Variants in GRAMD1B observed in about 807,000 individuals in gnomAD.
The protein encoded by GRAMD1B is GRAM domain containing 1B.
A neutral mutation model predicts 99.7 loss-of-function variants in GRAMD1B; 37 were observed. The observed-to-expected ratio is 0.37, with a 90% CI of 0.29 to 0.49. The LOEUF (loss-of-function observed/expected upper bound fraction) is 0.49, where lower values mean the gene tolerates loss of function less well. Among genes scored for constraint, GRAMD1B ranks in the 20% least tolerant of loss-of-function variants. GRAMD1B has a pLI of 0.98. For missense variants in GRAMD1B, 888 were observed against 1,009.2 expected (o/e 0.88, Z 1.63); for synonymous variants, 427 against 387.6 (o/e 1.10, Z -1.19).
At chr11:123,440,919 AG>A (rs1291837074) in intron 1 of GRAMD1B, among the ~76,000 whole-genome samples, 2 of 152,292 alleles carry the variant, frequency 1.3e-5, no homozygotes, top group Admixed American at 1.3e-4. Context: ...TTCTCAGGAT[AG>A]TGAATAAGTC....
chr11:123,382,924 C>T (rs952937487), intron 1 of GRAMD1B, among the ~76,000 whole-genome samples: 1 of 152,150 alleles, frequency 6.6e-6, no homozygotes, highest in Non-Finnish European at 1.5e-5. Flanking sequence ...TCTTGCCCTC[C>T]TGTATCCAGC....
chr11:123,362,673 A>G (rs1207878627), intron 1 of GRAMD1B, among the ~76,000 whole-genome samples: 1 of 152,218 alleles, frequency 6.6e-6, no homozygotes, highest in African/African-American at 2.4e-5. Context: ...TAAAAAGGCC[A>G]TCTTTGCAGC....
At chr11:123,540,132 C>T (rs1944363566) in intron 2 of GRAMD1B, among the ~76,000 whole-genome samples, 1 of 151,658 alleles carries the variant, frequency 6.6e-6, no homozygotes. Context: ...GTGGCATGAC[C>T]ACAGCTCACT....
intron 1 of GRAMD1B, among the ~76,000 whole-genome samples, chr11:123,414,586 C>T (rs1948164676): frequency 6.6e-6 from 1 of 152,126 alleles, no homozygotes; most frequent in African/African-American, 2.4e-5. Flanking sequence ...TACCCTATGT[C>T]ATCCCTATCC....
Position 123,591,279 on chromosome 11 carries a change from A to G in GRAMD1B, c.685-2803A>G. On this transcript the variant is annotated intron_variant, in intron 4 of 19. Coordinates refer to ENST00000635736, the MANE Select transcript of GRAMD1B (RefSeq NM_001387025.1). The surrounding 1 kb of genome is among the most constrained non-coding windows in gnomAD (Gnocchi z 4.7). ...CACAGGCCCTCTGCTGAGAAACCAG[A>G]GGCCACCCATCCACAGTCAAGCCAG... The G allele has an allele frequency of 2.5e-6, 1 of 397,154 alleles. No individual in the cohort carries two copies. The highest frequency in any genetic ancestry group is 4.4e-6 in the Non-Finnish European group (1 of 225,434). 24.6% of individuals were successfully genotyped at this position (397,154 alleles called of 1,614,324 possible).
intron 1 of GRAMD1B, chr11:123,458,859 C>G (rs1380477644): frequency 6.6e-6 from 1 of 152,026 alleles, no homozygotes; most frequent in African/African-American, 2.4e-5. Context: ...ATGGGTAGTT[C>G]CAGGTATGGC....
chr11:123,566,024 A>G (rs115638981), intron 2 of GRAMD1B, among the ~76,000 whole-genome samples: 258 of 152,316 alleles, frequency 1.7e-3, no homozygotes, highest in African/African-American at 6.0e-3. Flanking sequence ...GCCATGTGGA[A>G]AGGACTGAAT....
Position 123,570,061 on chromosome 11 carries a change from C to A in GRAMD1B, c.453-7306C>A, listed in dbSNP as rs112210988. 2.1e-3 allele frequency among the ~76,000 whole-genome samples: 315 copies of A among 152,354 alleles called. 1 individual carries two copies. Among genetic ancestry groups the A allele is most frequent in the African/African-American group, 7.1e-3 (294 of 41,580 alleles). On this transcript the variant is annotated intron_variant, in intron 2 of 19. Coordinates refer to ENST00000635736, the MANE Select transcript of GRAMD1B (RefSeq NM_001387025.1). ...TGGTGGACACTGCACAGCTGTTATA[C>A]CCGGAGTTGTAAACAGGTCTCTGTC...
At chr11:123,433,422 T>C (rs1400528567) in intron 1 of GRAMD1B, among the ~76,000 whole-genome samples, 1 of 152,184 alleles carries the variant, frequency 6.6e-6, no homozygotes, top group Non-Finnish European at 1.5e-5. Flanking sequence ...CTTGTCGGCT[T>C]TTCCCTCCAA....
intron 1 of GRAMD1B, among the ~76,000 whole-genome samples, chr11:123,423,148 T>A (rs1320338601): frequency 6.6e-6 from 1 of 152,134 alleles, no homozygotes; most frequent in Non-Finnish European, 1.5e-5. Flanking sequence ...AAGCTCCAAT[T>A]TTCTTAGCAG....
intron 3 of GRAMD1B, among the ~76,000 whole-genome samples, chr11:123,580,840 C>G (rs1949275564): frequency 6.6e-6 from 1 of 152,140 alleles, no homozygotes; most frequent in Non-Finnish European, 1.5e-5. Flanking sequence ...CTGCTGCACA[C>G]CTCCCCACCG....
At chr11:123,528,807 G>T (rs1201923910) in intron 2 of GRAMD1B, among the ~76,000 whole-genome samples, 1 of 152,082 alleles carries the variant, frequency 6.6e-6, no homozygotes, top group Non-Finnish European at 1.5e-5. Flanking sequence ...TGAAGCAGCT[G>T]GTGTCTCCAT....
chr11:123,547,542 C>T (rs1945138918), intron 2 of GRAMD1B, among the ~76,000 whole-genome samples: 1 of 152,118 alleles, frequency 6.6e-6, no homozygotes, highest in Non-Finnish European at 1.5e-5. Flanking sequence ...TATTTCAAAC[C>T]CAATTATGCC....
At chr11:123,439,093 G>A (rs990193052) in intron 1 of GRAMD1B, among the ~76,000 whole-genome samples, 7 of 152,176 alleles carry the variant, frequency 4.6e-5, no homozygotes, top group Non-Finnish European at 7.3e-5. Context: ...TGTTGTGCCT[G>A]GTGTGAGGAG....
chr11:123,422,081 G>A (rs766027934), intron 1 of GRAMD1B, among the ~76,000 whole-genome samples: 1 of 152,130 alleles, frequency 6.6e-6, no homozygotes, highest in Non-Finnish European at 1.5e-5. Context: ...CAATTTCAGA[G>A]TATTAAAATG....
chr11:123,486,835 C>T (rs960519100), intron 2 of GRAMD1B, among the ~76,000 whole-genome samples: 3 of 152,206 alleles, frequency 2.0e-5, no homozygotes, highest in African/African-American at 4.8e-5. Context: ...TCGGGGAAGC[C>T]GATGGGGGTG....
At chr11:123,559,445 T>C (rs777199999) in intron 2 of GRAMD1B, among the ~76,000 whole-genome samples, 5 of 152,116 alleles carry the variant, frequency 3.3e-5, no homozygotes, top group Non-Finnish European at 5.9e-5. Context: ...AACAGGTCAG[T>C]ATTTAGGTGA....
intron 2 of GRAMD1B, among the ~76,000 whole-genome samples, chr11:123,511,210 T>G (rs1940974418): frequency 6.6e-6 from 1 of 152,160 alleles, no homozygotes; most frequent in Non-Finnish European, 1.5e-5. Context: ...TGGGTGGGGT[T>G]GGTGCGGGCT....
intron 3 of GRAMD1B, among the ~76,000 whole-genome samples, chr11:123,578,901 G>A (rs1358101801): frequency 6.6e-6 from 1 of 152,178 alleles, no homozygotes; most frequent in Non-Finnish European, 1.5e-5. Context: ...GGTTCAGGTC[G>A]ATGAGTTCAT....
Sources: allele counts gnomAD v4.1 joint callset (sites outside exome capture counted in the v4.1 genomes callset), GRCh38; gene constraint gnomAD v4.1.1; non-coding constraint Gnocchi (gnomAD v3.1); transcripts MANE v1.5; gene names NCBI Gene and HGNC (gene_info 2026-07-23, HGNC 2026-07-21).